The following NEGR1 variants were observed in gnomAD, a reference collection of about 807,000 sequenced individuals.
The protein encoded by NEGR1 is neuronal growth regulator 1.
NEGR1 carries 10 observed loss-of-function variants against 40.9 expected under a neutral mutation model. The ratio of observed to expected loss-of-function variants is 0.24; its 90% CI spans 0.15 to 0.42. The LOEUF (loss-of-function observed/expected upper bound fraction) is 0.42. NEGR1 is among the 10% of genes least tolerant of loss of function. The pLI, the probability that NEGR1 is intolerant of heterozygous loss-of-function variation, is 1.00. For missense variants in NEGR1, 352 were observed against 438.9 expected, an observed-to-expected ratio of 0.80 and a Z score of 1.77; for synonymous variants, 185 against 166.8, an observed-to-expected ratio of 1.11 and a Z score of -0.84.
At chr1:71,451,683 C>T (rs1235412247) in intron 6 of NEGR1, among the ~76,000 whole-genome samples, 1 of 152,090 alleles carries the variant, frequency 6.6e-6, no homozygotes, top group Non-Finnish European at 1.5e-5. Flanking sequence ...ACTATGCATA[C>T]AGCAATGGAC....
chr1:71,701,262 GTTTC>G (rs978374965), intron 3 of NEGR1, among the ~76,000 whole-genome samples: 9 of 151,922 alleles, frequency 5.9e-5, no homozygotes, highest in African/African-American at 2.2e-4. Context: ...CTGGAGATCT[GTTTC>G]TTTGTTTTTC....
intron 4 of NEGR1, among the ~76,000 whole-genome samples, chr1:71,645,136 C>T (rs549301793): frequency 2.0e-5 from 3 of 152,008 alleles, no homozygotes; most frequent in South Asian, 2.1e-4. Flanking sequence ...GTTTGCATCA[C>T]GCTTTTCAGT....
At chr1:72,058,446 G>C (rs76928525) in intron 1 of NEGR1, among the ~76,000 whole-genome samples, 19 of 151,614 alleles carry the variant, frequency 1.3e-4, no homozygotes, top group African/African-American at 4.6e-4. Context: ...TCTGTTAGAG[G>C]TTTCTAAGAA....
chr1:72,148,060 G>A (rs1444747440), intron 1 of NEGR1, among the ~76,000 whole-genome samples: 1 of 152,052 alleles, frequency 6.6e-6, no homozygotes, highest in Non-Finnish European at 1.5e-5. Flanking sequence ...TTTGGAGGAT[G>A]GTGACCCTCT....
intron 4 of NEGR1, among the ~76,000 whole-genome samples, chr1:71,622,139 C>G (rs1229056619): frequency 6.6e-6 from 1 of 151,902 alleles, no homozygotes; most frequent in African/African-American, 2.4e-5. Flanking sequence ...ATTGGGCCAC[C>G]AGCTGTATCA....
chr1:72,248,506 T>C (rs1046807770), intron 1 of NEGR1, among the ~76,000 whole-genome samples: 4 of 148,894 alleles, frequency 2.7e-5, no homozygotes, highest in Admixed American at 6.7e-5. Context: ...GATCCACCCA[T>C]CTCAGCCTCT....
intron 3 of NEGR1, among the ~76,000 whole-genome samples, chr1:71,729,053 T>C (rs1182419354): frequency 6.6e-6 from 1 of 152,094 alleles, no homozygotes; most frequent in Non-Finnish European, 1.5e-5. Flanking sequence ...GCCAGTTCTG[T>C]GACCTCTTAT....
chr1:72,107,920 A>C (rs894662079), intron 1 of NEGR1, among the ~76,000 whole-genome samples: 4 of 151,486 alleles, frequency 2.6e-5, no homozygotes, highest in Admixed American at 1.3e-4. Flanking sequence ...GCTAAAAAAA[A>C]ACATTTGGCT....
chr1:72,153,451 A>G (rs940055708), intron 1 of NEGR1, among the ~76,000 whole-genome samples: 3 of 151,978 alleles, frequency 2.0e-5, no homozygotes, highest in Non-Finnish European at 4.4e-5. Flanking sequence ...GTTAAAAACT[A>G]AAATTTGGAG....
intron 6 of NEGR1, among the ~76,000 whole-genome samples, chr1:71,528,799 C>A (rs925616531): frequency 1.3e-5 from 2 of 151,026 alleles, no homozygotes; most frequent in Non-Finnish European, 3.0e-5. Context: ...GGTAAAAAAA[C>A]AATTGTTTCG....
chr1:71,867,156 T>C (rs926581002), intron 2 of NEGR1, among the ~76,000 whole-genome samples: 2 of 152,096 alleles, frequency 1.3e-5, no homozygotes, highest in African/African-American at 4.8e-5. Flanking sequence ...AGTTTGAGAC[T>C]TGAGGTCAGG....
At chr1:71,542,818 G>A (rs973794535) in intron 6 of NEGR1, among the ~76,000 whole-genome samples, 3 of 151,738 alleles carry the variant, frequency 2.0e-5, no homozygotes, top group African/African-American at 7.2e-5. Context: ...ATGAGAGCAA[G>A]TGACTAAAGA....
At chr1:71,441,635 G>T (rs1352151300) in intron 6 of NEGR1, among the ~76,000 whole-genome samples, 1 of 152,088 alleles carries the variant, frequency 6.6e-6, no homozygotes, top group Admixed American at 6.5e-5. Flanking sequence ...TTTCTGCTCT[G>T]TATTATAGCT....
At chr1:71,907,426 C>A (rs1158811062) in intron 2 of NEGR1, among the ~76,000 whole-genome samples, 1 of 151,998 alleles carries the variant, frequency 6.6e-6, no homozygotes, top group African/African-American at 2.4e-5. Context: ...ATGGAATAGT[C>A]CCTGGGAAAT....
intron 1 of NEGR1, among the ~76,000 whole-genome samples, chr1:72,102,195 T>C (rs921463812): frequency 1.3e-5 from 2 of 152,120 alleles, no homozygotes; most frequent in African/African-American, 4.8e-5. Flanking sequence ...AGTATACTTA[T>C]AAAATGTTTT....
At chr1:72,159,316 A>G (rs1028008155) in intron 1 of NEGR1, among the ~76,000 whole-genome samples, 1 of 152,140 alleles carries the variant, frequency 6.6e-6, no homozygotes, top group Non-Finnish European at 1.5e-5. Flanking sequence ...TGAGAAAACA[A>G]TAGGCCAAAC....
At chr1:71,658,854 T>C (rs1178803282) in intron 4 of NEGR1, among the ~76,000 whole-genome samples, 2 of 152,268 alleles carry the variant, frequency 1.3e-5, no homozygotes, top group East Asian at 1.9e-4. Flanking sequence ...TTATTGTAGG[T>C]CACAAAACTA....
At chr1:72,181,010 C>T (rs965657896) in intron 1 of NEGR1, among the ~76,000 whole-genome samples, 5 of 152,000 alleles carry the variant, frequency 3.3e-5, no homozygotes, top group African/African-American at 1.2e-4. Context: ...TGGTATCAAC[C>T]GGCGAAATGA....
rs573700233 is a variant in NEGR1, at chr1:71,545,530, C to T, written c.940+47287G>A. On this transcript the variant is annotated intron_variant, in intron 6 of 6. Coordinates refer to ENST00000357731, the MANE Select transcript of NEGR1 (RefSeq NM_173808.3). ...ATATCTTCTGTCTTTCTATCTATGTCTATTGTGCTGTCTGACTCTGTCTCT... is the reference window on the plus strand; with the variant it reads ...ATATCTTCTGTCTTTCTATCTATGTTTATTGTGCTGTCTGACTCTGTCTCT... 2.6e-5 allele frequency among the ~76,000 whole-genome samples: 4 copies of T among 151,784 alleles called. No homozygotes were observed. The East Asian group carries it at 5.9e-4, about 22-fold the overall frequency.
Sources: gnomAD v4.1 joint callset for allele counts (sites outside exome capture counted in the v4.1 genomes callset) on GRCh38, gnomAD v4.1.1 for gene constraint, MANE v1.5 for transcripts, NCBI Gene and HGNC (gene_info 2026-07-23, HGNC 2026-07-21) for gene names.